Variants in BSN observed in about 807,000 individuals in gnomAD.
BSN encodes the protein protein bassoon.
A neutral mutation model predicts 264.8 loss-of-function variants in BSN; 57 were observed. The observed-to-expected ratio is 0.22, with a 90% CI of 0.17 to 0.27. The LOEUF (loss-of-function observed/expected upper bound fraction) is 0.27. Among genes scored for constraint, BSN ranks in the 10% least tolerant of loss-of-function variants. BSN has a pLI of 1.00. For synonymous variants in BSN, 2,059 were observed against 2,137.3 expected (o/e 0.96, Z 1.01); for missense variants, 4,615 against 5,232.5 (o/e 0.88, Z 3.64).
At position 49,655,086 on chromosome 3, in the gene BSN, G is replaced by A; in HGVS notation, c.5530G>A (p.Ala1844Thr). Residue 1844 changes from alanine to threonine, a missense_variant, in exon 5 of 12, where the codon GCC (alanine) becomes ACC (threonine). This residue lies in a region of BSN where 3,415 missense variants were observed against 3,866.4 expected (regional missense o/e 0.88). Transcript: ENST00000296452. ...VPEPGAEPHR[A>T]TPAELRSHAL... ...AGAGCCAGGTGCCGAGCCCCACCGG[G>A]CCACCCCTGCAGAGCTGCGGTCACA... The A allele has an allele frequency of 1.2e-6, 2 of 1,612,914 alleles. No individual in the cohort carries two copies. The highest frequency in any genetic ancestry group is 1.7e-6 in the Non-Finnish European group (2 of 1,180,014).
At chr3:49,593,842 G>A (rs1332426642) in intron 1 of BSN, among the ~76,000 whole-genome samples, 14 of 129,830 alleles carry the variant, frequency 1.1e-4, no homozygotes, top group African/African-American at 3.8e-4. Flanking sequence ...TCGCTCTATC[G>A]CCCAGGCTGG....
rs1257255907 is a variant in BSN at position 49,660,510 on chromosome 3, C to G, written c.8665C>G (p.Leu2889Val). ...SQVSALPPNSLVRKVKRTLPS... is the reference protein window; with the variant it reads ...SQVSALPPNSVVRKVKRTLPS... ...GGTGTCGGCGTTGCCACCCAACAGC[C>G]TGGTCCGCAAGGTGAAGCGGACACT... Residue 2889 changes from leucine to valine, a missense_variant, in exon 6 of 12, where the codon CTG (leucine) becomes GTG (valine). Transcript: ENST00000296452. The surrounding 1 kb of genome is among the most constrained non-coding windows in gnomAD (Gnocchi z 7.1). 6.5e-7 allele frequency: 1 copy of G among 1,538,824 alleles called. No homozygotes were observed. Among genetic ancestry groups the G allele is most frequent in the South Asian group, 1.3e-5 (1 of 78,340 alleles).
At chr3:49,603,188 C>A (rs1380893011) in intron 1 of BSN, among the ~76,000 whole-genome samples, 1 of 152,162 alleles carries the variant, frequency 6.6e-6, no homozygotes, top group East Asian at 1.9e-4. Context: ...GGCCGCAGGT[C>A]CCACCCTGAT....
chr3:49,626,507 T>C (rs567899223), intron 2 of BSN, among the ~76,000 whole-genome samples: 1 of 152,280 alleles, frequency 6.6e-6, no homozygotes, highest in East Asian at 1.9e-4. Flanking sequence ...TTGGAGTTGC[T>C]CCTGGAGTGT....
intron 3 of BSN, among the ~76,000 whole-genome samples, chr3:49,649,760 T>A (rs2052526978): frequency 6.6e-6 from 1 of 152,226 alleles, no homozygotes; most frequent in Non-Finnish European, 1.5e-5. Context: ...GTCTGTCTGC[T>A]GAGTCATGGC....
Position 49,668,283 on chromosome 3 carries a change from G to A in BSN, c.*798G>A, listed in dbSNP as rs2052727567. 6.6e-6 allele frequency: 1 copy of A among 152,528 alleles called. No individual in the cohort carries two copies. Among genetic ancestry groups the A allele is most frequent in the Non-Finnish European group, 1.5e-5 (1 of 68,024 alleles). 9.4% of individuals were successfully genotyped at this position (152,528 alleles called of 1,614,324 possible). On this transcript the variant is annotated 3_prime_UTR_variant, in exon 12 of 12. Transcript: ENST00000296452. The stretch of plus-strand genomic sequence containing the variant: ...CCCCCTAGCCATCGTGAGCATCCCA[G>A]CGGCACCGCCATTGTCTCAACCAGC...
intron 1 of BSN, among the ~76,000 whole-genome samples, chr3:49,568,754 GAATCTGGAA>G (rs1447648770): frequency 1.3e-5 from 2 of 152,212 alleles, no homozygotes; most frequent in Non-Finnish European, 2.9e-5. Context: ...GCACAGTGAG[GAATCTGGAA>G]AATGTGGCAT....
rs35658408 is a variant in BSN, at chr3:49,594,890, A to ATT, written c.225-30071_225-30070dup. Reference sequence around the variant, plus strand: ...TAATTTTTAACGTACAGATCCTACAATTTTTTTTTTTTTTTGAGACCAAGT... The same window carrying ATT: ...TAATTTTTAACGTACAGATCCTACAATTTTTTTTTTTTTTTTTGAGACCAAGT... On this transcript the variant is annotated intron_variant, in intron 1 of 11. Transcript: ENST00000296452. Among the ~76,000 whole-genome samples, 754 of 144,274 alleles carry ATT rather than the reference A, an allele frequency of 5.2e-3. 2 individuals are homozygous for ATT. Among genetic ancestry groups the ATT allele is most frequent in the African/African-American group, 7.0e-3 (276 of 39,190 alleles). 94.6% of individuals were successfully genotyped at this position (144,274 alleles called of 152,430 possible). A position where few individuals can be genotyped will look rare whatever the true frequency, so the allele number is the denominator to read the frequency against.
intron 1 of BSN, among the ~76,000 whole-genome samples, chr3:49,607,110 C>T (rs2052159382): frequency 6.6e-6 from 1 of 152,160 alleles, no homozygotes; most frequent in Non-Finnish European, 1.5e-5. Flanking sequence ...CTGGTCTCTC[C>T]TCTTTTGTCA....
At chr3:49,606,534 G>A (rs2052153934) in intron 1 of BSN, among the ~76,000 whole-genome samples, 2 of 151,276 alleles carry the variant, frequency 1.3e-5, no homozygotes, top group Admixed American at 1.3e-4. Flanking sequence ...GAGTGGCCTT[G>A]TGTGCCTTGC....
chr3:49,669,305 C>T lies in BSN; in HGVS notation c.*1820C>T, dbSNP rs35404120. 80,515 of 152,550 alleles carry T rather than the reference C, an allele frequency of 0.53. 22,435 individuals are homozygous for T. Among genetic ancestry groups the T allele is most frequent in the East Asian group, 0.94 (4,886 of 5,178 alleles). The allele number at this position is 152,550 out of a possible 1,614,324, so 9.4% of individuals were successfully genotyped here. On this transcript the variant is annotated 3_prime_UTR_variant, in exon 12 of 12. Transcript: ENST00000296452. ...ACCCTGCAGTTTTCTCTGTCCAGGA[C>T]AGCAGGTAAAAAGGAATCCCCAGAG...
intron 1 of BSN, among the ~76,000 whole-genome samples, chr3:49,609,309 C>G (rs2052184584): frequency 6.6e-6 from 1 of 150,624 alleles, no homozygotes; most frequent in Non-Finnish European, 1.5e-5. Context: ...TCCTATGTTG[C>G]CCAGGCTGGT....
rs534440312 is a variant in BSN at position 49,671,306 on chromosome 3, T to G, written c.*3821T>G. The G allele has an allele frequency of 1.3e-5, 2 of 152,654 alleles. No homozygotes were observed. Among genetic ancestry groups the G allele is most frequent in the South Asian group, 4.1e-4 (2 of 4,824 alleles). 9.5% of individuals were successfully genotyped at this position (152,654 alleles called of 1,614,324 possible). ...CTTGTTTTTGCTTTCCCCTTCCTCC[T>G]CCCTCTCTCCCTTTCTTTCCTTCTC... is the stretch of plus-strand genomic sequence containing the variant. On this transcript the variant is annotated 3_prime_UTR_variant, in exon 12 of 12. Coordinates refer to ENST00000296452, the MANE Select transcript of BSN (RefSeq NM_003458.4). This position sits in a 1 kb window ranked among gnomAD's most constrained non-coding sequence, Gnocchi z 4.1.
chr3:49,602,676 C>T (rs1413734910), intron 1 of BSN, among the ~76,000 whole-genome samples: 1 of 152,090 alleles, frequency 6.6e-6, no homozygotes, highest in African/African-American at 2.4e-5. Context: ...GAACTTCTGA[C>T]CTCAAGTGAT....
At chr3:49,645,604 C>T (rs542880946) in intron 3 of BSN, among the ~76,000 whole-genome samples, 1 of 152,320 alleles carries the variant, frequency 6.6e-6, no homozygotes, top group South Asian at 2.1e-4. Flanking sequence ...TGCCTTGGGT[C>T]TTGCAAGGGG....
At chr3:49,558,422 A>C (rs1341651060) in intron 1 of BSN, among the ~76,000 whole-genome samples, 1 of 152,216 alleles carries the variant, frequency 6.6e-6, no homozygotes, top group Non-Finnish European at 1.5e-5. Context: ...ACCCTAAGCC[A>C]AAGGCAGCTA....
At position 49,661,663 on chromosome 3, in the gene BSN, G is replaced by A. The variant is rs2052656423; in HGVS notation, c.9818G>A (p.Gly3273Asp). The A allele has an allele frequency of 6.2e-7, 1 of 1,613,590 alleles. No homozygotes were observed. The highest frequency in any genetic ancestry group is 1.7e-5 in the Admixed American group (1 of 60,014). Reference sequence around the variant, plus strand: ...CCAGGGAAGGAGCCTGGAGAACCAGGTGTCCTTGACGGGCCCACACTGCCC... The same window carrying A: ...CCAGGGAAGGAGCCTGGAGAACCAGATGTCCTTGACGGGCCCACACTGCCC... ...GRPGKEPGEPGVLDGPTLPCC... is the reference protein window; with the variant it reads ...GRPGKEPGEPDVLDGPTLPCC... The change falls in exon 6 of 12, where the codon GGT (glycine) becomes GAT (aspartate). Residue 3273 changes from glycine (G) to aspartate (D), a missense_variant. Around this residue, in one of 3 missense-constraint regions of BSN, gnomAD observed 3,415 missense variants for 3,866.4 expected, o/e 0.88. Transcript: ENST00000296452.
At chr3:49,607,556 ACT>A (rs374287288) in intron 1 of BSN, among the ~76,000 whole-genome samples, 2 of 152,128 alleles carry the variant, frequency 1.3e-5, no homozygotes, top group East Asian at 1.9e-4. Flanking sequence ...GCATGTGCAC[ACT>A]CACGTGTGAG....
At chr3:49,560,717 C>T (rs2051705467) in intron 1 of BSN, among the ~76,000 whole-genome samples, 1 of 152,170 alleles carries the variant, frequency 6.6e-6, no homozygotes, top group African/African-American at 2.4e-5. Context: ...GGACCTCTGC[C>T]ATCTCCTCTC....
Sources: gnomAD v4.1 joint callset for allele counts (sites outside exome capture counted in the v4.1 genomes callset) on GRCh38, gnomAD v4.1.1 for gene constraint, gnomAD v4.1.1 regional missense constraint, Gnocchi (gnomAD v3.1) non-coding constraint, MANE v1.5 for transcripts, NCBI Gene and HGNC (gene_info 2026-07-23, HGNC 2026-07-21) for gene names.